SIDT1: variants seen among roughly 807,000 people sequenced by gnomAD.
SIDT1 encodes the protein SID1 transmembrane family, member 1.
A neutral mutation model predicts 107.5 loss-of-function variants in SIDT1; 101 were observed. That is an observed-to-expected ratio of 0.94 (90% CI 0.80 to 1.11). The LOEUF (loss-of-function observed/expected upper bound fraction) is 1.11. SIDT1 is among the 50% of genes least tolerant of loss of function. The pLI, the probability that SIDT1 is intolerant of heterozygous loss-of-function variation, is 0.00. For missense variants in SIDT1, 1,076 were observed against 1,058.2 expected (o/e 1.02, Z -0.23); for synonymous variants, 395 against 398.2 (o/e 0.99, Z 0.10).
chr3:113,545,785 T>C (rs1179025105), intron 1 of SIDT1, among the ~76,000 whole-genome samples: 2 of 152,214 alleles, frequency 1.3e-5, no homozygotes, highest in East Asian at 3.8e-4. Context: ...TGAAACAAAT[T>C]ATATCAGTGA....
intron 12 of SIDT1, among the ~76,000 whole-genome samples, chr3:113,603,743 T>G (rs1442804866): frequency 1.3e-5 from 2 of 152,170 alleles, no homozygotes; most frequent in African/African-American, 4.8e-5. Flanking sequence ...TTTATTAAGG[T>G]ATCATGGGAA....
intron 3 of SIDT1, among the ~76,000 whole-genome samples, chr3:113,573,127 G>C (rs898337079): frequency 6.6e-6 from 1 of 152,134 alleles, no homozygotes; most frequent in South Asian, 2.1e-4. Context: ...CGATAGAAAG[G>C]GGGTAGTCCA....
intron 5 of SIDT1, 88 bp downstream of exon 5, chr3:113,580,797 C>T (rs28614095): frequency 0.032 from 27,097 of 846,534 alleles, 867 homozygotes; most frequent in African/African-American, 0.12. Flanking sequence ...GCATGCCATC[C>T]TCTTACTGTG....
chr3:113,573,041 G>T (rs952557479), intron 3 of SIDT1, among the ~76,000 whole-genome samples: 1 of 150,620 alleles, frequency 6.6e-6, no homozygotes, highest in African/African-American at 2.4e-5. Context: ...GAGCAAACAT[G>T]GTGCTCCAGG....
At chr3:113,595,895 G>C (rs1202907295) in intron 10 of SIDT1, among the ~76,000 whole-genome samples, 1 of 152,178 alleles carries the variant, frequency 6.6e-6, no homozygotes, top group East Asian at 1.9e-4. Flanking sequence ...GGAAGAACCA[G>C]TGACTTTTTT....
intron 6 of SIDT1, among the ~76,000 whole-genome samples, chr3:113,583,181 C>A (rs1024962022): frequency 6.6e-6 from 1 of 152,080 alleles, no homozygotes; most frequent in African/African-American, 2.4e-5. Context: ...TGATTGAAAT[C>A]AGGAATGTAT....
chr3:113,536,839 T>C (rs1938229400), intron 1 of SIDT1, among the ~76,000 whole-genome samples: 1 of 152,228 alleles, frequency 6.6e-6, no homozygotes, highest in African/African-American at 2.4e-5. Context: ...TCATGATTCA[T>C]TTCATTTCTC....
chr3:113,604,096 CACA>C, intron 13 of SIDT1, 63 bp downstream of exon 13: 1 of 1,171,628 alleles, frequency 8.5e-7, no homozygotes, highest in Non-Finnish European at 1.2e-6. Context: ...TAGTCAGAGC[CACA>C]ACCACTTAGG....
chr3:113,611,125 T>A lies in SIDT1; in HGVS notation c.1838T>A (p.Met613Lys). 1 of 1,614,066 alleles carries A rather than the reference T, an allele frequency of 6.2e-7. No homozygotes were observed. ...SAYASFAVVI[M>K]VTVLGVVFGK... is the part of the protein sequence containing the mutation. ...TATGCCTCCTTTGCTGTGGTCATCA[T>A]GGTCACCGTCCTTGGAGTGGTGCGT... Residue 613 changes from methionine (M) to lysine (K), a missense_variant, in exon 18 of 25, where the codon ATG becomes AAG. Transcript: ENST00000264852.
chr3:113,603,921 G>A (rs1945142163), intron 12 of SIDT1, 39 bp from the exon 13 acceptor site: 2 of 1,408,062 alleles, frequency 1.4e-6, no homozygotes, highest in Non-Finnish European at 2.0e-6. Context: ...ATAAAGAGCT[G>A]AGTACAGTTT....
intron 21 of SIDT1, among the ~76,000 whole-genome samples, chr3:113,621,184 G>A (rs562559465): frequency 6.6e-6 from 1 of 152,202 alleles, no homozygotes. Flanking sequence ...GAGAGAAAAT[G>A]ACAAAGCAAA....
chr3:113,571,460 T>G (rs535004533), intron 3 of SIDT1, among the ~76,000 whole-genome samples: 4 of 147,560 alleles, frequency 2.7e-5, no homozygotes, highest in Middle Eastern at 6.8e-3. Flanking sequence ...TTTAAAGCAT[T>G]GCTTGGTGCC....
At chr3:113,592,672 C>T (rs1944255915) in intron 9 of SIDT1, 1 of 281,624 alleles carries the variant, frequency 3.6e-6, no homozygotes, top group Admixed American at 4.3e-5. Context: ...ACTGCAACCT[C>T]CACCTCCTGG....
intron 8 of SIDT1, 31 bp from the exon 9 acceptor site, chr3:113,585,146 G>T: frequency 1.3e-6 from 2 of 1,493,924 alleles, no homozygotes; most frequent in South Asian, 2.3e-5. Flanking sequence ...TGCAGAGGAT[G>T]ACCTGACCAA....
At chr3:113,565,115 T>C (rs1251690197) in intron 1 of SIDT1, among the ~76,000 whole-genome samples, 2 of 152,234 alleles carry the variant, frequency 1.3e-5, no homozygotes, top group Non-Finnish European at 2.9e-5. Flanking sequence ...TTCAAGAGAA[T>C]ACTAAGGCAT....
At chr3:113,558,085 A>C (rs1316997673) in intron 1 of SIDT1, among the ~76,000 whole-genome samples, 1 of 152,200 alleles carries the variant, frequency 6.6e-6, no homozygotes, top group African/African-American at 2.4e-5. Flanking sequence ...ATGAAATTAG[A>C]GTAAGTGTAG....
chr3:113,589,529 CTTTTTTT>C (rs386397654), intron 9 of SIDT1, among the ~76,000 whole-genome samples: 2 of 116,048 alleles, frequency 1.7e-5, no homozygotes, highest in African/African-American at 6.3e-5. Flanking sequence ...ACTTCTCTCC[CTTTTTTT>C]TTTTTTTTTT....
At chr3:113,623,287 A>G (rs1946598394) in intron 21 of SIDT1, 140 bp from the exon 22 acceptor site, 1 of 514,044 alleles carries the variant, frequency 1.9e-6, no homozygotes, top group Non-Finnish European at 3.4e-6. Context: ...AGTTTAAAAA[A>G]AAATAAAATG....
At position 113,603,996 on chromosome 3, in the gene SIDT1, C is replaced by T. The variant is rs766321611; in HGVS notation, c.1300C>T (p.Arg434Trp). ...LYLSDLSRKD[R>W]RIVSKKYKIY... Reference sequence around the variant, plus strand: ...CCTGTCAGATTTGTCCAGGAAGGACCGGAGAATTGTCAGCAAAAAATATAA... The same window carrying T: ...CCTGTCAGATTTGTCCAGGAAGGACTGGAGAATTGTCAGCAAAAAATATAA... The change falls in exon 13 of 25, where the codon CGG (arginine) becomes TGG (tryptophan). Residue 434 changes from arginine to tryptophan, a missense_variant. Physicochemically the swap from Arg to Trp is moderately radical, Grantham distance 101. Coordinates refer to ENST00000264852, the MANE Select transcript of SIDT1 (RefSeq NM_017699.3). 44 of 1,610,800 alleles carry T rather than the reference C, an allele frequency of 2.7e-5. No individual in the cohort carries two copies. The highest frequency in any genetic ancestry group is 3.6e-5 in the Non-Finnish European group (42 of 1,178,370).
Sources: gnomAD v4.1 joint callset for allele counts (sites outside exome capture counted in the v4.1 genomes callset) on GRCh38, gnomAD v4.1.1 for gene constraint, MANE v1.5 for transcripts, NCBI Gene and HGNC (gene_info 2026-07-23, HGNC 2026-07-21) for gene names.